The following PTPRR variants were observed in gnomAD, a reference collection of about 807,000 sequenced individuals.
PTPRR encodes the protein receptor-type tyrosine-protein phosphatase R.
PTPRR carries 38 observed loss-of-function variants against 77.2 expected under a neutral mutation model. The ratio of observed to expected loss-of-function variants is 0.49; its 90% CI spans 0.38 to 0.65. The LOEUF is 0.65. Ranked by LOEUF, PTPRR falls within the 30% of genes least tolerant of loss-of-function variation. The pLI is 0.00. For missense variants in PTPRR, 744 were observed against 799.2 expected, an observed-to-expected ratio of 0.93 and a Z score of 0.83; for synonymous variants, 299 against 283.1, an observed-to-expected ratio of 1.06 and a Z score of -0.57.
chr12:70,672,114 T>A (rs1010324703), intron 10 of PTPRR: 1 of 1,393,240 alleles, frequency 7.2e-7, no homozygotes, highest in Non-Finnish European at 1.0e-6. Flanking sequence ...CCCAAAATGA[T>A]GACACAGTTC....
intron 6 of PTPRR, among the ~76,000 whole-genome samples, chr12:70,744,154 T>C (rs1890138588): frequency 6.6e-6 from 1 of 152,018 alleles, no homozygotes; most frequent in African/African-American, 2.4e-5. Flanking sequence ...AGAAAGAAGC[T>C]AAAAAATCAA....
At chr12:70,652,164 T>C (rs1384480902) in intron 13 of PTPRR, among the ~76,000 whole-genome samples, 1 of 152,110 alleles carries the variant, frequency 6.6e-6, no homozygotes, top group South Asian at 2.1e-4. Flanking sequence ...CGGTAGACAT[T>C]TGGATTGGCT....
chr12:70,705,163 C>G (rs910585256), intron 6 of PTPRR, among the ~76,000 whole-genome samples: 5 of 152,078 alleles, frequency 3.3e-5, no homozygotes, highest in African/African-American at 4.8e-5. Context: ...GGCGACACAT[C>G]CATTTCAGCA....
At chr12:70,684,375 G>A in intron 9 of PTPRR, 111 bp from the exon 10 acceptor site, 16 of 1,171,724 alleles carry the variant, frequency 1.4e-5, no homozygotes, top group Non-Finnish European at 1.9e-5. Flanking sequence ...AAGCAACACA[G>A]GTTACGGCTT....
intron 2 of PTPRR, among the ~76,000 whole-genome samples, chr12:70,821,879 T>C (rs1019431436): frequency 1.3e-5 from 2 of 151,950 alleles, no homozygotes; most frequent in African/African-American, 2.4e-5. Flanking sequence ...TTAGCCAGGA[T>C]GGTCTTGATC....
intron 2 of PTPRR, among the ~76,000 whole-genome samples, chr12:70,887,670 A>G (rs1893263811): frequency 6.6e-6 from 1 of 152,148 alleles, no homozygotes; most frequent in Non-Finnish European, 1.5e-5. Context: ...GAACAGCAAG[A>G]GTAAAATTCC....
intron 2 of PTPRR, among the ~76,000 whole-genome samples, chr12:70,807,215 T>C (rs774060859): frequency 2.6e-5 from 4 of 152,186 alleles, no homozygotes; most frequent in Non-Finnish European, 5.9e-5. Flanking sequence ...AGTAAAGGGA[T>C]GGGACATTGT....
intron 2 of PTPRR, among the ~76,000 whole-genome samples, chr12:70,793,555 T>C (rs1470450410): frequency 1.3e-5 from 2 of 152,148 alleles, no homozygotes; most frequent in African/African-American, 4.8e-5. Context: ...CAGAGAACAA[T>C]GACATCTACC....
chr12:70,687,262 A>G (rs985871060), intron 8 of PTPRR, among the ~76,000 whole-genome samples: 3 of 151,454 alleles, frequency 2.0e-5, no homozygotes, highest in Non-Finnish European at 4.4e-5. Flanking sequence ...GATGTTGAAA[A>G]TATATAGTAA....
chr12:70,826,934 C>T (rs1892119742), intron 2 of PTPRR, among the ~76,000 whole-genome samples: 1 of 152,212 alleles, frequency 6.6e-6, no homozygotes, highest in Non-Finnish European at 1.5e-5. Flanking sequence ...AAACCTGCAC[C>T]TGCCTCAGGG....
chr12:70,669,587 C>CACACACACA (rs1217246223), intron 10 of PTPRR, among the ~76,000 whole-genome samples: 10 of 150,910 alleles, frequency 6.6e-5, no homozygotes, highest in African/African-American at 2.2e-4. Flanking sequence ...CACACACACA[C>CACACACACA]AAGCTTGCAC....
intron 13 of PTPRR, among the ~76,000 whole-genome samples, chr12:70,646,448 C>T (rs1592630522): frequency 6.6e-6 from 1 of 152,154 alleles, no homozygotes; most frequent in Non-Finnish European, 1.5e-5. Context: ...ATGAGTCTAA[C>T]ATATTTTGAG....
intron 2 of PTPRR, among the ~76,000 whole-genome samples, chr12:70,769,574 G>C (rs538927349): frequency 1.3e-5 from 2 of 152,240 alleles, no homozygotes; most frequent in East Asian, 3.9e-4. Context: ...TCATGAAAAT[G>C]GCCAACTGCC....
intron 12 of PTPRR, among the ~76,000 whole-genome samples, chr12:70,658,543 C>T (rs74101538): frequency 0.064 from 9,727 of 151,782 alleles, 863 homozygotes; most frequent in African/African-American, 0.2. Flanking sequence ...ATTCTAGGTA[C>T]GACAATGATA....
intron 2 of PTPRR, among the ~76,000 whole-genome samples, chr12:70,857,224 C>A (rs1418147938): frequency 6.6e-6 from 1 of 152,072 alleles, no homozygotes; most frequent in African/African-American, 2.4e-5. Flanking sequence ...CTCTGAGGAA[C>A]ACCAGAATTT....
Position 70,739,757 on chromosome 12 carries a change from G to A in PTPRR, c.1007+6061C>T, listed in dbSNP as rs1889986121. On this transcript the variant is annotated intron_variant, in intron 6 of 13. Coordinates refer to ENST00000283228, the MANE Select transcript of PTPRR (RefSeq NM_002849.4). ...TTATACATCACTGTGGGCACAAATA[G>A]GTTACATGGCCAGTGGTAGGGGGTA... Among the ~76,000 whole-genome samples, 3 of 152,190 alleles carry A rather than the reference G, an allele frequency of 2.0e-5. No homozygotes were observed. The South Asian group carries it at 6.2e-4, about 31-fold the overall frequency.
intron 2 of PTPRR, among the ~76,000 whole-genome samples, chr12:70,799,735 A>G (rs755939490): frequency 6.6e-6 from 1 of 152,184 alleles, no homozygotes; most frequent in Non-Finnish European, 1.5e-5. Context: ...ATTTCAAAGA[A>G]GAGATGAGTT....
At chr12:70,920,292 T>C (rs764819303) in intron 1 of PTPRR, 41 bp downstream of exon 1, 1 of 1,585,472 alleles carries the variant, frequency 6.3e-7, no homozygotes, top group Non-Finnish European at 8.7e-7. Flanking sequence ...CAGTTTCCCA[T>C]CTCATGCACA....
intron 6 of PTPRR, among the ~76,000 whole-genome samples, chr12:70,728,391 G>A (rs1264732788): frequency 1.4e-5 from 2 of 141,494 alleles, no homozygotes; most frequent in Admixed American, 7.1e-5. Flanking sequence ...AAACACTTCT[G>A]GTCCCAAGCA....
Sources: gnomAD v4.1 joint callset for allele counts (sites outside exome capture counted in the v4.1 genomes callset) on GRCh38, gnomAD v4.1.1 for gene constraint, MANE v1.5 for transcripts, NCBI Gene and HGNC (gene_info 2026-07-23, HGNC 2026-07-21) for gene names.